The following AVEN variants were observed in gnomAD, a reference collection of about 807,000 sequenced individuals.
AVEN encodes cell death regulator Aven.
A neutral mutation model predicts 38.1 loss-of-function variants in AVEN; 41 were observed. That is an observed-to-expected ratio of 1.08 (90% confidence interval 0.84 to 1.40). The LOEUF (loss-of-function observed/expected upper bound fraction) is 1.40, where lower values mean the gene tolerates loss of function less well. Among genes scored for constraint, AVEN ranks in the 40% most tolerant of loss-of-function variants. AVEN has a pLI of 0.00. For missense variants in AVEN, 605 were observed against 438.8 expected (o/e 1.38, Z -3.38); for synonymous variants, 206 against 171.8 (o/e 1.20, Z -1.56).
At chr15:34,032,805 G>A (rs1343676134) in intron 1 of AVEN, among the ~76,000 whole-genome samples, 1 of 152,074 alleles carries the variant, frequency 6.6e-6, no homozygotes, top group Non-Finnish European at 1.5e-5. Flanking sequence ...CTCAACAATA[G>A]GATAATTTTA....
intron 2 of AVEN, among the ~76,000 whole-genome samples, chr15:33,943,953 C>T (rs1420473789): frequency 6.6e-6 from 1 of 151,518 alleles, no homozygotes; most frequent in Non-Finnish European, 1.5e-5. Flanking sequence ...TGTCTGGTCT[C>T]GAACTCCTGG....
downstream of AVEN, chr15:33,865,260 G>GCAAAGAAGCGCGACAAT: frequency 6.8e-7 from 1 of 1,476,572 alleles, no homozygotes; most frequent in Non-Finnish European, 9.4e-7. Flanking sequence ...ATTCTGGACA[G>GCAAAGAAGCGCGACAAT]TCAACTTCCC....
At chr15:33,931,663 C>T (rs1361968701) in intron 2 of AVEN, among the ~76,000 whole-genome samples, 2 of 152,076 alleles carry the variant, frequency 1.3e-5, no homozygotes. Context: ...GCCACCGCGC[C>T]CGGCCTGAAT....
chr15:34,017,497 T>TTTTTTTTTTTTG (rs1555516619), intron 1 of AVEN, among the ~76,000 whole-genome samples: 6 of 133,362 alleles, frequency 4.5e-5, no homozygotes, highest in Admixed American at 7.9e-5. Context: ...TTTTTTTTTT[T>TTTTTTTTTTTTG]TTTGAGACAG....
At chr15:33,968,399 T>C (rs1895480758) in intron 2 of AVEN, among the ~76,000 whole-genome samples, 1 of 152,138 alleles carries the variant, frequency 6.6e-6, no homozygotes, top group South Asian at 2.1e-4. Context: ...CAGGATATAC[T>C]GCTGTCCAGC....
chr15:34,059,220 A>C (rs980180323), intron 5 of AVEN, among the ~76,000 whole-genome samples: 2 of 152,204 alleles, frequency 1.3e-5, no homozygotes, highest in Non-Finnish European at 2.9e-5. Context: ...TAATGAGGAA[A>C]CAGATGAAAA....
Position 33,882,873 on chromosome 15 carries a change from C to G in AVEN, c.446-6878G>C, listed in dbSNP as rs117767891. 7.7e-4 allele frequency among the ~76,000 whole-genome samples: 117 copies of G among 152,206 alleles called. 1 individual carries two copies. The East Asian group carries it at 0.016, about 20-fold the overall frequency. On this transcript the variant is annotated intron_variant, in intron 2 of 5. Coordinates refer to ENST00000306730, the MANE Select transcript of AVEN (RefSeq NM_020371.3). Reference sequence around the variant, plus strand: ...GGGTGACGGAACAAGACCCAAGACCCTGTCTCAAACAAACAAACAAAAGAA... The same window carrying G: ...GGGTGACGGAACAAGACCCAAGACCGTGTCTCAAACAAACAAACAAAAGAA...
chr15:33,878,670 C>T (rs1357692994), intron 2 of AVEN, among the ~76,000 whole-genome samples: 2 of 151,984 alleles, frequency 1.3e-5, no homozygotes. Context: ...TGAGAAGTAA[C>T]GTTTGTAGCA....
chr15:33,975,341 T>C (rs914680365), intron 2 of AVEN, among the ~76,000 whole-genome samples: 1 of 152,240 alleles, frequency 6.6e-6, no homozygotes, highest in African/African-American at 2.4e-5. Flanking sequence ...TAGTATTTTC[T>C]AGAGCAAGAG....
intron 1 of AVEN, among the ~76,000 whole-genome samples, chr15:34,009,298 CAATTCAAATCCACATGAAA>C (rs1405307987): frequency 2.0e-5 from 3 of 152,058 alleles, no homozygotes; most frequent in Non-Finnish European, 4.4e-5. Context: ...TCCTAAACAG[CAATTCAAATCCACATGAAA>C]AAAACAAATC....
chr15:34,053,175 C>T (rs1034408060), intron 5 of AVEN, among the ~76,000 whole-genome samples: 25 of 150,928 alleles, frequency 1.7e-4, no homozygotes, highest in Non-Finnish European at 3.2e-4. Flanking sequence ...TGGTGGGTGC[C>T]TACAGTCCCA....
chr15:33,857,068 A>C (rs1271536870), downstream of AVEN, among the ~76,000 whole-genome samples: 1 of 152,148 alleles, frequency 6.6e-6, no homozygotes, highest in African/African-American at 2.4e-5. Flanking sequence ...TCCTCACAGC[A>C]CCTGCACTAT....
intron 3 of AVEN, among the ~76,000 whole-genome samples, chr15:33,875,161 C>G (rs1364016959): frequency 6.6e-6 from 1 of 152,150 alleles, no homozygotes; most frequent in African/African-American, 2.4e-5. Flanking sequence ...GGGAGCAGAA[C>G]AGGGAGGACA....
downstream of AVEN, chr15:33,865,523 G>A (rs1000532467): frequency 1.2e-4 from 40 of 327,680 alleles, no homozygotes; most frequent in Middle Eastern, 9.3e-4. Flanking sequence ...AGTTTGTTGG[G>A]ATGGAAGCAT....
chr15:33,990,510 T>C (rs1567452877), intron 2 of AVEN, among the ~76,000 whole-genome samples: 2 of 152,176 alleles, frequency 1.3e-5, no homozygotes, highest in Non-Finnish European at 2.9e-5. Flanking sequence ...CAACTTAAAC[T>C]CAGAAAAGAT....
chr15:33,878,240 A>T (rs1439387161), intron 2 of AVEN, among the ~76,000 whole-genome samples: 2 of 152,106 alleles, frequency 1.3e-5, no homozygotes, highest in Admixed American at 1.3e-4. Context: ...GCTTTTTTTT[A>T]AATGGTAAAG....
chr15:33,929,121 C>A (rs530806956), intron 2 of AVEN, among the ~76,000 whole-genome samples: 9 of 151,992 alleles, frequency 5.9e-5, no homozygotes, highest in Non-Finnish European at 1.3e-4. Flanking sequence ...GGCCTTAGAA[C>A]CATGGAGTTG....
intron 11 of AVEN, chr15:33,859,505 ATGATCTGAG>A: frequency 6.4e-7 from 1 of 1,557,678 alleles, no homozygotes; most frequent in South Asian, 1.1e-5. Context: ...AATCATATGA[ATGATCTGAG>A]CATCTTGCTA....
At chr15:33,865,733 A>C (rs948195480), downstream of AVEN, 4 of 153,584 alleles carry the variant, frequency 2.6e-5, no homozygotes, top group African/African-American at 7.2e-5. Flanking sequence ...AAGAAACAGA[A>C]AAAAACCGAC....
Sources: gnomAD v4.1 joint callset for allele counts (sites outside exome capture counted in the v4.1 genomes callset) on GRCh38, gnomAD v4.1.1 for gene constraint, MANE v1.5 for transcripts, NCBI Gene and HGNC (gene_info 2026-07-23, HGNC 2026-07-21) for gene names.